Variants in NEK5 observed in about 807,000 individuals in gnomAD.
NEK5 encodes the protein NIMA related kinase 5.
A neutral mutation model predicts 109.2 loss-of-function variants in NEK5; 88 were observed. That is an observed-to-expected ratio of 0.81 (90% CI 0.68 to 0.96). NEK5 has a LOEUF of 0.96. Ranked by LOEUF, NEK5 falls within the 40% of genes least tolerant of loss-of-function variation. The probability of loss-of-function intolerance (pLI) is 0.00; values close to 1 mark genes in which losing one functional copy is unlikely to be tolerated. For synonymous variants in NEK5, 283 were observed against 299.9 expected (o/e 0.94, Z 0.58); for missense variants, 834 against 920.7 (o/e 0.91, Z 1.22).
chr13:52,053,125 AC>A (rs1197722607), intron 22 of NEK5, among the ~76,000 whole-genome samples: 2 of 152,050 alleles, frequency 1.3e-5, no homozygotes, highest in African/African-American at 4.8e-5. Context: ...ACATGGTGAA[AC>A]CCAGTCTGTA....
chr13:52,060,191 A>G (rs1015909382), intron 22 of NEK5, among the ~76,000 whole-genome samples: 1 of 152,106 alleles, frequency 6.6e-6, no homozygotes, highest in South Asian at 2.1e-4. Context: ...CTTCAGAGAA[A>G]CAAAGATACT....
intron 12 of NEK5, among the ~76,000 whole-genome samples, chr13:52,095,617 G>A (rs1955393825): frequency 6.6e-6 from 1 of 152,238 alleles, no homozygotes; most frequent in South Asian, 2.1e-4. Context: ...GCTGGGCACA[G>A]TGGCTCACGC....
intron 19 of NEK5, among the ~76,000 whole-genome samples, chr13:52,072,936 GA>G (rs1280955675): frequency 6.6e-6 from 1 of 152,158 alleles, no homozygotes; most frequent in African/African-American, 2.4e-5. Context: ...AAAAGATTTT[GA>G]AATCAACTAA....
At chr13:52,080,104 C>CA (rs1239503750) in intron 17 of NEK5, among the ~76,000 whole-genome samples, 1 of 151,954 alleles carries the variant, frequency 6.6e-6, no homozygotes, top group East Asian at 1.9e-4. Flanking sequence ...ATCCGCCCGG[C>CA]AGCCACCCCG....
intron 23 of NEK5, among the ~76,000 whole-genome samples, chr13:52,041,114 CA>C (rs1240318445): frequency 6.6e-6 from 1 of 152,044 alleles, no homozygotes; most frequent in Non-Finnish European, 1.5e-5. Context: ...CCCTCCAAAA[CA>C]AAATGAGCCC....
intron 22 of NEK5, among the ~76,000 whole-genome samples, chr13:52,051,261 G>T (rs1954503774): frequency 6.6e-6 from 1 of 151,404 alleles, no homozygotes; most frequent in South Asian, 2.1e-4. Flanking sequence ...TGGCCTTTTA[G>T]TTAGCTTAAA....
At chr13:52,087,657 ACT>A (rs1204818393) in intron 14 of NEK5, among the ~76,000 whole-genome samples, 2 of 152,046 alleles carry the variant, frequency 1.3e-5, no homozygotes, top group Non-Finnish European at 2.9e-5. Context: ...AGAGCGTCTC[ACT>A]CTGTCACCCA....
intron 23 of NEK5, among the ~76,000 whole-genome samples, chr13:52,045,551 G>T (rs1355808822): frequency 6.8e-6 from 1 of 147,710 alleles, no homozygotes. Flanking sequence ...GGATCACGAG[G>T]TCAGGAGATC....
In NEK5 at chr13:52,061,906, A is replaced by ACTGTTTC. The variant is rs1230420388; in HGVS notation, c.2016_2022dup (p.Trp675GlufsTer6). On this transcript the variant is annotated frameshift_variant, in exon 22 of 24. Coordinates refer to ENST00000684899, the MANE Select transcript of NEK5 (RefSeq NM_001365552.1). LOFTEE classifies it high-confidence loss of function. Reference sequence around the variant, plus strand: ...AAAGTTCCTGGAGCTTCATGCCGCCACTGTTTCCTGTTTCCTGGAATGCCT... The same window carrying ACTGTTTC: ...AAAGTTCCTGGAGCTTCATGCCGCCACTGTTTCCTGTTTCCTGTTTCCTGGAATGCCT... 1.5e-5 allele frequency: 15 copies of ACTGTTTC among 978,300 alleles called. No individual in the cohort carries two copies. The highest frequency in any genetic ancestry group is 7.0e-5 in the African/African-American group (4 of 57,198). 60.6% of individuals were successfully genotyped at this position (978,300 alleles called of 1,614,324 possible). A position where few individuals can be genotyped will look rare whatever the true frequency, so the allele number is the denominator to read the frequency against.
intron 3 of NEK5, among the ~76,000 whole-genome samples, chr13:52,122,350 G>A (rs1484711491): frequency 1.3e-5 from 2 of 151,860 alleles, no homozygotes; most frequent in East Asian, 3.9e-4. Context: ...CCCTGCAGGT[G>A]GTCCCTTTAT....
chr13:52,063,514 G>A (rs1954633215), intron 21 of NEK5, among the ~76,000 whole-genome samples: 6 of 152,206 alleles, frequency 3.9e-5, no homozygotes, highest in Admixed American at 3.9e-4. Flanking sequence ...GAAGTGAGGA[G>A]CGTCTCTGCC....
chr13:52,034,285 G>A lies in NEK5; in HGVS notation c.*2663C>T, dbSNP rs978385225. On this transcript the variant is annotated 3_prime_UTR_variant, in exon 24 of 24. Transcript: ENST00000684899. ...AATCAGAGCCATGCCTCAGGAACAC[G>A]ATTTAGCTAATAGTGTGTGTAAAAT... The A allele has an allele frequency of 6.6e-6, 1 of 152,174 alleles. No homozygotes were observed. The highest frequency in any genetic ancestry group is 2.4e-5 in the African/African-American group (1 of 41,440). 9.4% of individuals were successfully genotyped at this position (152,174 alleles called of 1,614,324 possible).
In NEK5 at chr13:52,102,089, T is replaced by C. The variant is rs1047314245; in HGVS notation, c.810+3A>G. ...AAATCCAAACAGTCACCTCAAAACT[T>C]ACCTCAGGAGTCAAATATTTGGGAA... On this transcript the variant is annotated splice_donor_region_variant and intron_variant, in intron 10 of 23. Coordinates refer to ENST00000684899, the MANE Select transcript of NEK5 (RefSeq NM_001365552.1). 6.2e-7 allele frequency: 1 copy of C among 1,613,404 alleles called. No individual in the cohort carries two copies. Among genetic ancestry groups the C allele is most frequent in the African/African-American group, 1.3e-5 (1 of 74,892 alleles).
intron 22 of NEK5, among the ~76,000 whole-genome samples, chr13:52,060,268 T>G (rs1954600211): frequency 6.6e-6 from 1 of 152,208 alleles, no homozygotes; most frequent in Non-Finnish European, 1.5e-5. Context: ...TTTCAAAATA[T>G]TATAAAATGT....
intron 11 of NEK5, among the ~76,000 whole-genome samples, chr13:52,101,181 G>A (rs962924959): frequency 1.1e-4 from 16 of 152,200 alleles, no homozygotes; most frequent in Middle Eastern, 3.4e-3. Flanking sequence ...GGCGGATCAC[G>A]AGGTCCGGAG....
chr13:52,103,753 C>T (rs1192207095), intron 9 of NEK5, among the ~76,000 whole-genome samples: 1 of 152,102 alleles, frequency 6.6e-6, no homozygotes, highest in Non-Finnish European at 1.5e-5. Flanking sequence ...GTGACCAGTC[C>T]CCAGTAAAAA....
chr13:52,069,125 T>TC (rs1301756788), intron 20 of NEK5, among the ~76,000 whole-genome samples: 1 of 152,182 alleles, frequency 6.6e-6, no homozygotes, highest in African/African-American at 2.4e-5. Flanking sequence ...GGTTTTTTTT[T>TC]CTTTCATCTA....
In NEK5 at chr13:52,069,892, C is replaced by T. The variant is rs576970017; in HGVS notation, c.1849+2052G>A. 5.3e-5 allele frequency among the ~76,000 whole-genome samples: 8 copies of T among 152,316 alleles called. No homozygotes were observed. In the South Asian group the frequency reaches 1.0e-3, roughly 20 times the overall value. ...GACCTCCCTGACTCTCCACCCAGCT[C>T]GCACTTCAAACAGTGATTAACATTT... is the stretch of plus-strand genomic sequence containing the variant. On this transcript the variant is annotated intron_variant, in intron 20 of 23. Transcript: ENST00000684899.
chr13:52,078,639 G>A (rs1246452931), intron 17 of NEK5, among the ~76,000 whole-genome samples: 1 of 151,674 alleles, frequency 6.6e-6, no homozygotes, highest in East Asian at 1.9e-4. Context: ...ATCTGTGGCA[G>A]TACATTGGAG....
Sources: gnomAD v4.1 joint callset for allele counts (sites outside exome capture counted in the v4.1 genomes callset) on GRCh38, gnomAD v4.1.1 for gene constraint, MANE v1.5 for transcripts, NCBI Gene and HGNC (gene_info 2026-07-23, HGNC 2026-07-21) for gene names.